The following PTPRK variants were observed in gnomAD, a reference collection of about 807,000 sequenced individuals.
PTPRK encodes the protein receptor-type tyrosine-protein phosphatase kappa.
PTPRK carries 75 observed loss-of-function variants against 178.0 expected under a neutral mutation model. That is an observed-to-expected ratio of 0.42 (90% CI 0.35 to 0.51). The LOEUF is 0.51. Among genes scored for constraint, PTPRK ranks in the 20% least tolerant of loss-of-function variants. PTPRK has a pLI of 0.02. For synonymous variants in PTPRK, 637 were observed against 620.6 expected (o/e 1.03, Z -0.39); for missense variants, 1,441 against 1,797.8 (o/e 0.80, Z 3.59).
At chr6:128,057,848 T>C (rs1263114658) in intron 13 of PTPRK, among the ~76,000 whole-genome samples, 2 of 152,234 alleles carry the variant, frequency 1.3e-5, no homozygotes, top group Non-Finnish European at 2.9e-5. Context: ...ATTTAAATCA[T>C]AATACATCTA....
chr6:128,016,799 G>A (rs112241638), intron 13 of PTPRK, among the ~76,000 whole-genome samples: 2,739 of 151,770 alleles, frequency 0.018, 84 homozygotes, highest in African/African-American at 0.062. Flanking sequence ...GTCCTCCTCC[G>A]TCCCCACATA....
intron 7 of PTPRK, among the ~76,000 whole-genome samples, chr6:128,101,895 T>G (rs971708825): frequency 6.6e-6 from 1 of 152,182 alleles, no homozygotes; most frequent in Non-Finnish European, 1.5e-5. Context: ...CAATGTAGAG[T>G]TGGAATATAC....
intron 1 of PTPRK, among the ~76,000 whole-genome samples, chr6:128,448,632 C>T (rs149925937): frequency 6.6e-6 from 1 of 152,120 alleles, no homozygotes; most frequent in Non-Finnish European, 1.5e-5. Flanking sequence ...CAACAAAAAT[C>T]AAAGATTTTC....
intron 1 of PTPRK, among the ~76,000 whole-genome samples, chr6:128,421,494 G>A (rs1843477859): frequency 6.6e-6 from 1 of 151,932 alleles, no homozygotes; most frequent in Admixed American, 6.6e-5. Context: ...CAATCTAATG[G>A]TAATACTCCT....
At chr6:128,067,292 G>A (rs572766892) in intron 12 of PTPRK, among the ~76,000 whole-genome samples, 10 of 152,194 alleles carry the variant, frequency 6.6e-5, no homozygotes, top group East Asian at 1.9e-4. Flanking sequence ...AGGAAGGCTC[G>A]AGTAGAAGCA....
intron 7 of PTPRK, among the ~76,000 whole-genome samples, chr6:128,094,953 G>A (rs1190417373): frequency 2.0e-5 from 3 of 152,136 alleles, no homozygotes; most frequent in East Asian, 1.9e-4. Context: ...AACAGAAACA[G>A]AGATGAGCAT....
chr6:128,454,367 T>C (rs187122638), intron 1 of PTPRK, among the ~76,000 whole-genome samples: 53 of 152,350 alleles, frequency 3.5e-4, no homozygotes, highest in African/African-American at 1.2e-3. Context: ...AAGAGTTATC[T>C]AAATAGCAAA....
chr6:128,396,243 T>C (rs1840284478), intron 2 of PTPRK, among the ~76,000 whole-genome samples: 1 of 150,788 alleles, frequency 6.6e-6, no homozygotes, highest in South Asian at 2.1e-4. Flanking sequence ...TTTTTAATCA[T>C]AATAAAAATA....
chr6:128,167,968 T>C (rs1220263857), intron 7 of PTPRK, among the ~76,000 whole-genome samples: 3 of 152,090 alleles, frequency 2.0e-5, no homozygotes, highest in Admixed American at 6.6e-5. Flanking sequence ...TTTAACTGAG[T>C]TCTACTCTGA....
chr6:128,371,042 A>G (rs1464674278), intron 2 of PTPRK, among the ~76,000 whole-genome samples: 5 of 152,278 alleles, frequency 3.3e-5, no homozygotes, highest in South Asian at 2.1e-4. Flanking sequence ...CTCAATTACA[A>G]TCAGACAACT....
intron 15 of PTPRK, chr6:127,999,955 A>C (rs1447302851): frequency 2.2e-6 from 2 of 914,528 alleles, no homozygotes; most frequent in Non-Finnish European, 2.6e-6. Flanking sequence ...TTTTTCTGTC[A>C]TAAGAAGGAA....
intron 1 of PTPRK, among the ~76,000 whole-genome samples, chr6:128,468,541 GT>G (rs1460959790): frequency 6.6e-6 from 1 of 152,002 alleles, no homozygotes; most frequent in African/African-American, 2.4e-5. Flanking sequence ...TTGTATTACT[GT>G]TAAATATTAT....
At chr6:128,487,240 A>T (rs1357307650) in intron 1 of PTPRK, among the ~76,000 whole-genome samples, 2 of 148,720 alleles carry the variant, frequency 1.3e-5, no homozygotes, top group East Asian at 4.0e-4. Context: ...GGTGTAGCTC[A>T]GGAACCCACC....
chr6:128,375,568 C>T (rs1425026288), intron 2 of PTPRK, among the ~76,000 whole-genome samples: 1 of 152,140 alleles, frequency 6.6e-6, no homozygotes, highest in East Asian at 1.9e-4. Context: ...ACAGCCAGAT[C>T]ATAACATTCC....
intron 8 of PTPRK, among the ~76,000 whole-genome samples, chr6:128,087,776 G>A (rs1045722835): frequency 1.3e-5 from 2 of 152,198 alleles, no homozygotes; most frequent in South Asian, 4.1e-4. Context: ...AGGAACATGA[G>A]TAACTCCATG....
At chr6:128,207,447 T>A (rs114202298) in intron 6 of PTPRK, among the ~76,000 whole-genome samples, 1 of 152,166 alleles carries the variant, frequency 6.6e-6, no homozygotes, top group Non-Finnish European at 1.5e-5. Flanking sequence ...TTCAATAGTT[T>A]TAGGAAAATG....
chr6:128,181,307 A>C (rs904679414), intron 7 of PTPRK, among the ~76,000 whole-genome samples: 5 of 152,130 alleles, frequency 3.3e-5, no homozygotes, highest in African/African-American at 9.7e-5. Flanking sequence ...TTTTAAAAAC[A>C]GTAAATTGTA....
chr6:128,382,760 A>G (rs1838130630), intron 2 of PTPRK, among the ~76,000 whole-genome samples: 1 of 151,998 alleles, frequency 6.6e-6, no homozygotes, highest in Admixed American at 6.6e-5. Context: ...AATTGTTTTT[A>G]TTGACCATCC....
chr6:128,479,574 T>C (rs1034336186), intron 1 of PTPRK, among the ~76,000 whole-genome samples: 7 of 152,114 alleles, frequency 4.6e-5, no homozygotes, highest in African/African-American at 1.7e-4. Context: ...ATAGGAGTAT[T>C]AAGAAAGAGG....
Sources: gnomAD v4.1 joint callset for allele counts (sites outside exome capture counted in the v4.1 genomes callset) on GRCh38, gnomAD v4.1.1 for gene constraint, MANE v1.5 for transcripts, NCBI Gene and HGNC (gene_info 2026-07-23, HGNC 2026-07-21) for gene names.